The following SLC22A3 variants were observed in gnomAD, a reference collection of about 807,000 sequenced individuals.
SLC22A3 encodes the protein EMT organic cation transporter 3.
A neutral mutation model predicts 59.1 loss-of-function variants in SLC22A3; 51 were observed. The ratio of observed to expected loss-of-function variants is 0.86; its 90% CI spans 0.69 to 1.09. SLC22A3 has a LOEUF of 1.09. SLC22A3 is among the 50% of genes least tolerant of loss of function. The pLI, the probability that SLC22A3 is intolerant of heterozygous loss-of-function variation, is 0.00. For missense variants in SLC22A3, 711 were observed against 726.3 expected (o/e 0.98, Z 0.24); for synonymous variants, 325 against 292.0 (o/e 1.11, Z -1.15).
chr6:160,443,851 A>G, intron 9 of SLC22A3, 109 bp downstream of exon 9: 1 of 500,802 alleles, frequency 2.0e-6, no homozygotes, highest in Admixed American at 3.6e-5. Context: ...CATTTATCTT[A>G]TTATAATAAC....
chr6:160,387,891 C>A (rs1786086998), intron 1 of SLC22A3, among the ~76,000 whole-genome samples: 1 of 152,200 alleles, frequency 6.6e-6, no homozygotes, highest in Non-Finnish European at 1.5e-5. Context: ...GAAATGAATT[C>A]TAACTCCTTT....
Position 160,358,912 on chromosome 6 carries a change from A to G in SLC22A3, c.429+10064A>G, listed in dbSNP as rs146575341. Among the ~76,000 whole-genome samples, 697 of 152,350 alleles carry G rather than the reference A, an allele frequency of 4.6e-3. 3 individuals are homozygous for G. Among genetic ancestry groups the G allele is most frequent in the African/African-American group, 0.016 (672 of 41,584 alleles). ...GGAAATCCCAGGACAGGACTAGACCAGAGCTCAGTGAGGGCTGAAGACTCA... is the reference window on the plus strand; with the variant it reads ...GGAAATCCCAGGACAGGACTAGACCGGAGCTCAGTGAGGGCTGAAGACTCA... On this transcript the variant is annotated intron_variant, in intron 1 of 10. Transcript: ENST00000275300.
intron 9 of SLC22A3, among the ~76,000 whole-genome samples, chr6:160,446,983 A>C (rs771362729): frequency 3.3e-5 from 5 of 152,238 alleles, no homozygotes; most frequent in Non-Finnish European, 7.3e-5. Flanking sequence ...ACATTGGCAG[A>C]TGCTGCCAAT....
At chr6:160,363,032 G>A (rs1247392822) in intron 1 of SLC22A3, among the ~76,000 whole-genome samples, 1 of 152,212 alleles carries the variant, frequency 6.6e-6, no homozygotes, top group East Asian at 1.9e-4. Context: ...GGCTGGGCTG[G>A]GCTCCCGGGG....
At chr6:160,450,903 T>G (rs1788934161) in intron 10 of SLC22A3, 93 bp from the exon 11 acceptor site, 1 of 1,220,846 alleles carries the variant, frequency 8.2e-7, no homozygotes, top group Non-Finnish European at 1.2e-6. Context: ...ATGTATTTGA[T>G]CAAAACCAGC....
intron 2 of SLC22A3, among the ~76,000 whole-genome samples, chr6:160,405,358 C>T (rs1786970285): frequency 1.3e-5 from 2 of 151,996 alleles, no homozygotes; most frequent in Admixed American, 6.6e-5. Flanking sequence ...CAGTGAGATA[C>T]CACTACATAT....
At chr6:160,406,094 T>C (rs1787002441) in intron 2 of SLC22A3, among the ~76,000 whole-genome samples, 3 of 152,188 alleles carry the variant, frequency 2.0e-5, no homozygotes, top group Admixed American at 1.3e-4. Context: ...TTATGATGTG[T>C]CCCTGTAGGT....
At chr6:160,434,887 C>T (rs1337903592) in intron 5 of SLC22A3, among the ~76,000 whole-genome samples, 3 of 152,212 alleles carry the variant, frequency 2.0e-5, no homozygotes, top group Non-Finnish European at 4.4e-5. Flanking sequence ...GTCTTTCTCT[C>T]TAGCACACGC....
intron 1 of SLC22A3, among the ~76,000 whole-genome samples, chr6:160,359,883 AAC>A (rs1455875746): frequency 3.9e-5 from 6 of 152,232 alleles, no homozygotes; most frequent in African/African-American, 1.4e-4. Context: ...AACATTTGTA[AAC>A]AGAGTCCAAG....
At chr6:160,378,562 G>C (rs548355856) in intron 1 of SLC22A3, among the ~76,000 whole-genome samples, 1 of 152,228 alleles carries the variant, frequency 6.6e-6, no homozygotes, top group Non-Finnish European at 1.5e-5. Context: ...CTCCACCTTA[G>C]AATTTCTTTT....
rs73592914 is a variant in SLC22A3, at chr6:160,424,793, T to G, written c.976-11987T>G. ...CATTTCAGAGCCAACACATGACAAATAGTTTAGATCTTGAGGAAGACTGAG... is the reference window on the plus strand; with the variant it reads ...CATTTCAGAGCCAACACATGACAAAGAGTTTAGATCTTGAGGAAGACTGAG... On this transcript the variant is annotated intron_variant, in intron 5 of 10. Transcript: ENST00000275300. Among the ~76,000 whole-genome samples, 1,137 of 152,294 alleles carry G rather than the reference T, an allele frequency of 7.5e-3. 14 individuals carry two copies. The highest frequency in any genetic ancestry group is 0.027 in the African/African-American group (1,110 of 41,552).
intron 1 of SLC22A3, 152 bp from the exon 2 acceptor site, chr6:160,397,827 A>C: frequency 1.5e-6 from 1 of 671,424 alleles, no homozygotes; most frequent in Non-Finnish European, 2.8e-6. Flanking sequence ...TTATGTGTTA[A>C]TGTAAACATA....
chr6:160,421,483 G>A (rs1402461327), intron 5 of SLC22A3, among the ~76,000 whole-genome samples: 1 of 152,132 alleles, frequency 6.6e-6, no homozygotes, highest in Non-Finnish European at 1.5e-5. Context: ...CCTTCTCAAA[G>A]GCTGAGCTTC....
chr6:160,421,369 T>C (rs1310444563), intron 5 of SLC22A3, among the ~76,000 whole-genome samples: 1 of 152,210 alleles, frequency 6.6e-6, no homozygotes, highest in Non-Finnish European at 1.5e-5. Context: ...GGCAGGTCCA[T>C]GTGGCTTATG....
chr6:160,361,903 G>A (rs1785024274), intron 1 of SLC22A3, among the ~76,000 whole-genome samples: 1 of 152,184 alleles, frequency 6.6e-6, no homozygotes, highest in Admixed American at 6.5e-5. Flanking sequence ...TGTGTCTGGG[G>A]AGCTTTCCCC....
chr6:160,369,180 T>C (rs1290925707), intron 1 of SLC22A3, among the ~76,000 whole-genome samples: 1 of 152,236 alleles, frequency 6.6e-6, no homozygotes, highest in Admixed American at 6.5e-5. Flanking sequence ...ATTTTTTCAG[T>C]AATGCTCCAT....
Position 160,452,569 on chromosome 6 carries a change from C to T in SLC22A3, c.*1513C>T, listed in dbSNP as rs1179601827. On this transcript the variant is annotated 3_prime_UTR_variant, in exon 11 of 11. Transcript: ENST00000275300. The stretch of plus-strand genomic sequence containing the variant: ...TTTGGTAACAATTAAAATTTTAAAT[C>T]GTAAAAAATGTACATTTGCCCTTTC... 2.0e-5 allele frequency: 3 copies of T among 152,064 alleles called. No homozygotes were observed. Among genetic ancestry groups the T allele is most frequent in the African/African-American group, 4.8e-5 (2 of 41,378 alleles). The allele number at this position is 152,064 out of a possible 1,614,324, so 9.4% of individuals were successfully genotyped here.
At chr6:160,450,926 T>C in intron 10 of SLC22A3, 70 bp from the exon 11 acceptor site, 1 of 1,404,106 alleles carries the variant, frequency 7.1e-7, no homozygotes, top group Non-Finnish European at 9.9e-7. Flanking sequence ...TACTATTAAA[T>C]AATAACAGAA....
At chr6:160,382,662 C>T (rs149302195) in intron 1 of SLC22A3, among the ~76,000 whole-genome samples, 366 of 152,228 alleles carry the variant, frequency 2.4e-3, no homozygotes, top group Non-Finnish European at 2.9e-3. Context: ...GTGATAATGC[C>T]TGGGGCTGGG....
Sources: gnomAD v4.1 joint callset for allele counts (sites outside exome capture counted in the v4.1 genomes callset) on GRCh38, gnomAD v4.1.1 for gene constraint, MANE v1.5 for transcripts, NCBI Gene and HGNC (gene_info 2026-07-23, HGNC 2026-07-21) for gene names.